Variants in STIM2 observed in about 807,000 individuals in gnomAD.
STIM2 encodes the protein stromal interaction molecule 2.
A neutral mutation model predicts 85.8 loss-of-function variants in STIM2; 31 were observed. The observed-to-expected ratio is 0.36, with a 90% CI of 0.27 to 0.49. The LOEUF (loss-of-function observed/expected upper bound fraction) is 0.49, where lower values mean the gene tolerates loss of function less well. STIM2 is among the 20% of genes least tolerant of loss of function. STIM2 has a pLI of 0.98. For missense variants in STIM2, 841 were observed against 927.6 expected (o/e 0.91, Z 1.21); for synonymous variants, 356 against 331.1 (o/e 1.08, Z -0.82).
intron 1 of STIM2, among the ~76,000 whole-genome samples, chr4:26,884,709 C>G (rs1325226628): frequency 6.6e-6 from 1 of 152,156 alleles, no homozygotes; most frequent in Non-Finnish European, 1.5e-5. Flanking sequence ...GATTAAGTAT[C>G]CCACATGAGT....
chr4:26,941,406 T>A (rs544284497), intron 2 of STIM2, among the ~76,000 whole-genome samples: 4 of 152,150 alleles, frequency 2.6e-5, no homozygotes, highest in Non-Finnish European at 4.4e-5. Context: ...CCATTTTCCA[T>A]CCCTTATCCA....
At chr4:26,953,071 A>G (rs1726114592) in intron 2 of STIM2, among the ~76,000 whole-genome samples, 1 of 152,114 alleles carries the variant, frequency 6.6e-6, no homozygotes, top group Non-Finnish European at 1.5e-5. Context: ...GACCTTGGAC[A>G]TTGTGTTGTT....
chr4:26,918,706 G>A (rs1724684727), intron 1 of STIM2, among the ~76,000 whole-genome samples: 1 of 152,156 alleles, frequency 6.6e-6, no homozygotes, highest in African/African-American at 2.4e-5. Flanking sequence ...TATATAGGTT[G>A]TTAGCTAGTT....
At chr4:26,863,883 T>C (rs974429200) in intron 1 of STIM2, among the ~76,000 whole-genome samples, 2 of 152,162 alleles carry the variant, frequency 1.3e-5, no homozygotes, top group African/African-American at 4.8e-5. Context: ...TTCTGTTTTC[T>C]TCTCGAGATT....
At chr4:26,953,604 A>G (rs1014772107) in intron 2 of STIM2, among the ~76,000 whole-genome samples, 2 of 152,120 alleles carry the variant, frequency 1.3e-5, no homozygotes, top group Admixed American at 6.6e-5. Context: ...AAGGGGAAAC[A>G]GACTTATGGA....
At position 27,022,886 on chromosome 4, in the gene STIM2, G is replaced by A; in HGVS notation, c.2131G>A (p.Ala711Thr). 1 of 1,614,192 alleles carries A rather than the reference G, an allele frequency of 6.2e-7. No individual in the cohort carries two copies. The highest frequency in any genetic ancestry group is 8.5e-7 in the Non-Finnish European group (1 of 1,180,028). Residue 711 changes from alanine (A) to threonine (T), a missense_variant, in exon 12 of 12, where the codon GCC (alanine) becomes ACC (threonine). Ala to Thr is a moderately conservative substitution (Grantham distance 58). Coordinates refer to ENST00000467087, the MANE Select transcript of STIM2 (RefSeq NM_020860.4). ...CAACGACAGTAAACCAGTTCAGGAA[G>A]CCCCAAGTGTTGCCAGAATAAGCAG...
Position 26,919,472 on chromosome 4 carries a change from C to G in STIM2, c.152-32C>G, listed in dbSNP as rs78960517. ...AACTATAGCCTTTGTTTTGGTATGG[C>G]AAGTTAGTAATTGCCCTTTGTTCTC... On this transcript the variant is annotated intron_variant, in intron 1 of 11. Coordinates refer to ENST00000467087, the MANE Select transcript of STIM2 (RefSeq NM_020860.4). 4.0e-3 allele frequency: 6,498 copies of G among 1,611,244 alleles called. 239 individuals carry two copies. In the African/African-American group the frequency reaches 0.076, roughly 19 times the overall value.
intron 2 of STIM2, among the ~76,000 whole-genome samples, chr4:26,943,181 T>C (rs1228641235): frequency 6.9e-6 from 1 of 145,076 alleles, no homozygotes; most frequent in African/African-American, 2.5e-5. Context: ...TTTAATTCTA[T>C]CCTTTTTTTT....
chr4:27,016,588 T>TC (rs1447959612), intron 10 of STIM2, among the ~76,000 whole-genome samples: 1 of 152,236 alleles, frequency 6.6e-6, no homozygotes, highest in African/African-American at 2.4e-5. Context: ...ATTGAGTTTT[T>TC]CACAGAAGCC....
chr4:26,976,350 C>T (rs975238881), intron 3 of STIM2, among the ~76,000 whole-genome samples: 3 of 146,908 alleles, frequency 2.0e-5, no homozygotes, highest in Non-Finnish European at 3.0e-5. Context: ...AGCTGCAGAT[C>T]GGAGCTGTTC....
chr4:26,903,762 C>T (rs1431215613), intron 1 of STIM2, among the ~76,000 whole-genome samples: 1 of 152,056 alleles, frequency 6.6e-6, no homozygotes, highest in Non-Finnish European at 1.5e-5. Flanking sequence ...ATTTCTGATC[C>T]TGTAATGATA....
At chr4:26,982,006 T>C (rs1727416438) in intron 3 of STIM2, among the ~76,000 whole-genome samples, 1 of 152,150 alleles carries the variant, frequency 6.6e-6, no homozygotes, top group African/African-American at 2.4e-5. Flanking sequence ...TGAAGACTAT[T>C]TAAAATCACA....
At chr4:26,908,330 T>G (rs1724204204) in intron 1 of STIM2, among the ~76,000 whole-genome samples, 1 of 152,338 alleles carries the variant, frequency 6.6e-6, no homozygotes, top group Non-Finnish European at 1.5e-5. Context: ...AGACGTGGGC[T>G]GAATTTCAAC....
intron 1 of STIM2, among the ~76,000 whole-genome samples, chr4:26,889,134 C>CTCT (rs1723368804): frequency 6.6e-6 from 1 of 152,206 alleles, no homozygotes; most frequent in Non-Finnish European, 1.5e-5. Context: ...AGTGGCCCCA[C>CTCT]TCTTATTTCT....
chr4:26,949,282 C>G (rs958393707), intron 2 of STIM2, among the ~76,000 whole-genome samples: 1 of 152,018 alleles, frequency 6.6e-6, no homozygotes, highest in Non-Finnish European at 1.5e-5. Context: ...TGTATTCATT[C>G]AAAATATTTC....
intron 1 of STIM2, among the ~76,000 whole-genome samples, chr4:26,867,146 G>A (rs193091942): frequency 1.9e-4 from 29 of 152,118 alleles, no homozygotes; most frequent in Admixed American, 1.6e-3. Flanking sequence ...TTATAAAATC[G>A]ACTTTATTCT....
chr4:26,934,291 G>T (rs759107579), intron 2 of STIM2, among the ~76,000 whole-genome samples: 2 of 152,136 alleles, frequency 1.3e-5, no homozygotes, highest in Non-Finnish European at 1.5e-5. Context: ...ATTTCAAGTG[G>T]ATTAGATTAT....
chr4:26,961,286 T>G (rs1321341736), intron 3 of STIM2, among the ~76,000 whole-genome samples: 2 of 152,162 alleles, frequency 1.3e-5, no homozygotes, highest in African/African-American at 4.8e-5. Context: ...AAGCTCCTGT[T>G]TGTAGCTTGC....
At chr4:26,976,394 T>TTTTTTTTTTTTTG in intron 3 of STIM2, among the ~76,000 whole-genome samples, 1 of 151,048 alleles carries the variant, frequency 6.6e-6, no homozygotes. Flanking sequence ...TTTTTTTTTT[T>TTTTTTTTTTTTTG]TTTTTTTTAG....
Sources: gnomAD v4.1 joint callset for allele counts (sites outside exome capture counted in the v4.1 genomes callset) on GRCh38, gnomAD v4.1.1 for gene constraint, MANE v1.5 for transcripts, NCBI Gene and HGNC (gene_info 2026-07-23, HGNC 2026-07-21) for gene names.